The following PTPRD variants were observed in gnomAD, a reference collection of about 807,000 sequenced individuals.
PTPRD encodes receptor-type tyrosine-protein phosphatase delta.
A neutral mutation model predicts 214.5 loss-of-function variants in PTPRD; 34 were observed. That is an observed-to-expected ratio of 0.16 (90% CI 0.12 to 0.21). The LOEUF is 0.21. Among genes scored for constraint, PTPRD ranks in the 10% least tolerant of loss-of-function variants. PTPRD has a pLI of 1.00. For synonymous variants in PTPRD, 1,128 were observed against 845.7 expected, an observed-to-expected ratio of 1.33 and a Z score of -5.79; for missense variants, 2,545 against 2,398.7, an observed-to-expected ratio of 1.06 and a Z score of -1.27.
At chr9:10,148,385 A>G (rs1310876923) in intron 3 of PTPRD, among the ~76,000 whole-genome samples, 1 of 152,232 alleles carries the variant, frequency 6.6e-6, no homozygotes, top group Non-Finnish European at 1.5e-5. Context: ...GAACAAAGAC[A>G]CAGTTCCTTT....
intron 3 of PTPRD, among the ~76,000 whole-genome samples, chr9:10,198,140 A>G (rs965400507): frequency 1.3e-5 from 2 of 152,166 alleles, no homozygotes; most frequent in African/African-American, 4.8e-5. Flanking sequence ...TATTGTATAT[A>G]TAATGATACC....
intron 39 of PTPRD, 102 bp from the exon 40 acceptor site, chr9:8,342,080 T>G: frequency 8.4e-7 from 1 of 1,187,780 alleles, no homozygotes; most frequent in Admixed American, 2.9e-5. Flanking sequence ...CTTACATCCA[T>G]TACTTCTACT....
intron 2 of PTPRD, among the ~76,000 whole-genome samples, chr9:10,362,733 A>G (rs2097420886): frequency 6.6e-6 from 1 of 152,136 alleles, no homozygotes; most frequent in Non-Finnish European, 1.5e-5. Flanking sequence ...TATAAAAATT[A>G]GCCAGGCATG....
At chr9:10,523,765 T>C (rs2053345459) in intron 2 of PTPRD, among the ~76,000 whole-genome samples, 1 of 151,246 alleles carries the variant, frequency 6.6e-6, no homozygotes, top group Admixed American at 6.6e-5. Flanking sequence ...TGAAAATAAA[T>C]GATGTGTCCA....
chr9:9,732,128 G>A lies in PTPRD; in HGVS notation c.-287+2405C>T, dbSNP rs370495545. Among the ~76,000 whole-genome samples, 107 of 152,160 alleles carry A rather than the reference G, an allele frequency of 7.0e-4. 1 individual carries two copies. Among genetic ancestry groups the A allele is most frequent in the African/African-American group, 2.4e-3 (98 of 41,524 alleles). ...AGGAATGAATAGGAAATGGGGATACGAGCAGACACACTGATCATGCTGGTC... is the reference window on the plus strand; with the variant it reads ...AGGAATGAATAGGAAATGGGGATACAAGCAGACACACTGATCATGCTGGTC... On this transcript the variant is annotated intron_variant, in intron 7 of 45. Transcript: ENST00000381196.
At chr9:8,993,178 GCCATTCCCT>G (rs201968997) in intron 11 of PTPRD, among the ~76,000 whole-genome samples, 8,147 of 152,158 alleles carry the variant, frequency 0.054, 423 homozygotes, top group East Asian at 0.2. Flanking sequence ...TGGAGTAGGG[GCCATTCCCT>G]TGGCCCAGAG....
At chr9:8,377,045 G>A (rs554060685) in intron 37 of PTPRD, among the ~76,000 whole-genome samples, 1 of 152,094 alleles carries the variant, frequency 6.6e-6, no homozygotes, top group Non-Finnish European at 1.5e-5. Flanking sequence ...AAACAAATTT[G>A]TCCTGGGATA....
At chr9:10,526,704 A>G (rs962994230) in intron 2 of PTPRD, among the ~76,000 whole-genome samples, 1 of 152,090 alleles carries the variant, frequency 6.6e-6, no homozygotes, top group African/African-American at 2.4e-5. Context: ...AAATTTTAAA[A>G]CAATTTCTTC....
chr9:9,545,863 T>C (rs563468442), intron 8 of PTPRD, among the ~76,000 whole-genome samples: 2 of 151,962 alleles, frequency 1.3e-5, no homozygotes, highest in South Asian at 4.1e-4. Context: ...TGAGATTGCA[T>C]TGAGTCTATA....
chr9:9,865,089 T>A (rs1023961296), intron 5 of PTPRD, among the ~76,000 whole-genome samples: 3 of 152,164 alleles, frequency 2.0e-5, no homozygotes, highest in African/African-American at 7.2e-5. Context: ...AAATTGCAAA[T>A]CTACTGTTTC....
intron 8 of PTPRD, among the ~76,000 whole-genome samples, chr9:9,461,267 C>G (rs895117577): frequency 5.9e-5 from 9 of 151,902 alleles, no homozygotes; most frequent in Admixed American, 2.0e-4. Context: ...AGCCCAAACC[C>G]CAGCATTACA....
chr9:8,336,373 G>A (rs1164547473), intron 43 of PTPRD, among the ~76,000 whole-genome samples: 2 of 148,994 alleles, frequency 1.3e-5, no homozygotes, highest in Non-Finnish European at 1.5e-5. Context: ...TTTAATAAAT[G>A]GTGTTGGGAA....
At chr9:9,523,679 C>T (rs745374542) in intron 8 of PTPRD, among the ~76,000 whole-genome samples, 1 of 152,146 alleles carries the variant, frequency 6.6e-6, no homozygotes, top group South Asian at 2.1e-4. Flanking sequence ...TTACTTGAGG[C>T]ACTTGACACT....
intron 14 of PTPRD, among the ~76,000 whole-genome samples, chr9:8,544,513 A>AGGCT (rs1451788590): frequency 2.2e-5 from 3 of 136,272 alleles, no homozygotes; most frequent in Non-Finnish European, 4.6e-5. Context: ...TCTGTTGTCC[A>AGGCT]GGCTGAAGTG....
intron 11 of PTPRD, among the ~76,000 whole-genome samples, chr9:8,761,634 G>A (rs1011985641): frequency 3.9e-5 from 6 of 152,116 alleles, no homozygotes; most frequent in Admixed American, 6.5e-5. Flanking sequence ...TCCTAAGAAC[G>A]TATAACTAAT....
chr9:10,291,846 A>G (rs1036600274), intron 3 of PTPRD, among the ~76,000 whole-genome samples: 17 of 152,190 alleles, frequency 1.1e-4, no homozygotes, highest in Non-Finnish European at 2.4e-4. Flanking sequence ...AGAAAATTTG[A>G]AAGAGCCACT....
chr9:8,777,962 C>T (rs1188772254), intron 11 of PTPRD, among the ~76,000 whole-genome samples: 1 of 152,116 alleles, frequency 6.6e-6, no homozygotes, highest in Non-Finnish European at 1.5e-5. Flanking sequence ...TTAACCAATC[C>T]ACAGAGCGTC....
chr9:8,614,979 T>TC (rs2095563485), intron 14 of PTPRD, among the ~76,000 whole-genome samples: 1 of 152,174 alleles, frequency 6.6e-6, no homozygotes, highest in African/African-American at 2.4e-5. Flanking sequence ...ACTTCTTTGC[T>TC]CCTTCTTTTG....
intron 6 of PTPRD, among the ~76,000 whole-genome samples, chr9:9,739,365 GGGT>G (rs2098360417): frequency 6.6e-6 from 1 of 152,004 alleles, no homozygotes; most frequent in Non-Finnish European, 1.5e-5. Context: ...TTATAATAAA[GGGT>G]TTTTTTGTTG....
Sources: allele counts gnomAD v4.1 joint callset (sites outside exome capture counted in the v4.1 genomes callset), GRCh38; gene constraint gnomAD v4.1.1; transcripts MANE v1.5; gene names NCBI Gene and HGNC (gene_info 2026-07-23, HGNC 2026-07-21).